Variants in DRC8 observed in about 807,000 individuals in gnomAD.
DRC8 encodes the protein dynein regulatory complex subunit 8.
the DRC8 span, among the ~76,000 whole-genome samples, chr1:245,073,261 G>A: frequency 6.6e-6 from 1 of 151,918 alleles, no homozygotes; most frequent in Non-Finnish European, 1.5e-5. Flanking sequence ...TCAGCCTCCC[G>A]AGTAGCTGGG....
the DRC8 span, among the ~76,000 whole-genome samples, chr1:244,986,156 T>A: frequency 6.6e-6 from 1 of 151,434 alleles, no homozygotes; most frequent in Non-Finnish European, 1.5e-5. Context: ...GGTTTCTCCA[T>A]GTTGGTCAGG....
the DRC8 span, chr1:245,044,071 A>G: frequency 6.6e-6 from 1 of 152,264 alleles, no homozygotes; most frequent in African/African-American, 2.4e-5. Context: ...AAATGCTTTT[A>G]TTAACAATGA....
At chr1:245,081,761 G>T in the DRC8 span, among the ~76,000 whole-genome samples, 1 of 152,148 alleles carries the variant, frequency 6.6e-6, no homozygotes, top group Admixed American at 6.6e-5. Context: ...GAGCCACCAC[G>T]CCCGGCCGAG....
chr1:245,111,432 T>C, the DRC8 span, among the ~76,000 whole-genome samples: 1 of 152,250 alleles, frequency 6.6e-6, no homozygotes, highest in East Asian at 1.9e-4. Flanking sequence ...TGCAGAATAT[T>C]GACTGCACAG....
chr1:244,998,704 T>C, the DRC8 span, among the ~76,000 whole-genome samples: 1 of 152,080 alleles, frequency 6.6e-6, no homozygotes, highest in Non-Finnish European at 1.5e-5. Context: ...GCTTGGAAAA[T>C]GGGCAGGAAG....
At chr1:244,975,165 T>C in the DRC8 span, among the ~76,000 whole-genome samples, 12 of 152,066 alleles carry the variant, frequency 7.9e-5, no homozygotes, top group Non-Finnish European at 1.6e-4. Flanking sequence ...CTCCTGACCT[T>C]GTGATCCGCC....
At chr1:245,048,572 A>G in the DRC8 span, among the ~76,000 whole-genome samples, 1 of 152,058 alleles carries the variant, frequency 6.6e-6, no homozygotes, top group Non-Finnish European at 1.5e-5. Flanking sequence ...AAACGGTAAG[A>G]GTGTTGCCCT....
At chr1:245,050,568 A>C in the DRC8 span, among the ~76,000 whole-genome samples, 1 of 152,182 alleles carries the variant, frequency 6.6e-6, no homozygotes, top group Non-Finnish European at 1.5e-5. Flanking sequence ...GGGGACAATA[A>C]TAGTACCTAC....
chr1:245,093,588 C>T, the DRC8 span, among the ~76,000 whole-genome samples: 4 of 150,976 alleles, frequency 2.6e-5, no homozygotes, highest in South Asian at 2.1e-4. Context: ...CCCAGCTACT[C>T]GGGAGGCTGA....
the DRC8 span, among the ~76,000 whole-genome samples, chr1:245,113,852 G>C: frequency 2.0e-5 from 3 of 151,918 alleles, no homozygotes; most frequent in Admixed American, 6.6e-5. Context: ...GACACACACA[G>C]AGATTAAGGG....
At chr1:245,033,328 T>C in the DRC8 span, among the ~76,000 whole-genome samples, 1 of 152,348 alleles carries the variant, frequency 6.6e-6, no homozygotes, top group Non-Finnish European at 1.5e-5. Flanking sequence ...GCACTTACCC[T>C]GCCAACTGTA....
the DRC8 span, among the ~76,000 whole-genome samples, chr1:244,974,809 C>T: frequency 6.6e-6 from 1 of 152,236 alleles, no homozygotes; most frequent in Non-Finnish European, 1.5e-5. Context: ...ATTCCCCCGA[C>T]CTCAGCCTCC....
the DRC8 span, among the ~76,000 whole-genome samples, chr1:245,050,216 C>T: frequency 6.6e-6 from 1 of 152,136 alleles, no homozygotes; most frequent in Non-Finnish European, 1.5e-5. Flanking sequence ...TTGTTCTTAT[C>T]CCCGTTGTCT....
the DRC8 span, among the ~76,000 whole-genome samples, chr1:245,017,594 C>A: frequency 1.3e-5 from 2 of 152,128 alleles, no homozygotes; most frequent in Non-Finnish European, 2.9e-5. Flanking sequence ...GAGATGAACT[C>A]TATTTTAGCT....
At chr1:245,054,786 G>C in the DRC8 span, among the ~76,000 whole-genome samples, 1 of 152,182 alleles carries the variant, frequency 6.6e-6, no homozygotes, top group Non-Finnish European at 1.5e-5. Context: ...GCACTCTTAT[G>C]AGTATCAAGT....
chr1:245,118,423 C>T, the DRC8 span, among the ~76,000 whole-genome samples: 1 of 152,180 alleles, frequency 6.6e-6, no homozygotes, highest in Non-Finnish European at 1.5e-5. Flanking sequence ...ACTGGGAGAA[C>T]ACCATGTGTC....
chr1:245,121,996 T>C, the DRC8 span: 1 of 382,778 alleles, frequency 2.6e-6, no homozygotes, highest in South Asian at 2.0e-5. Flanking sequence ...CCTCCCGGGT[T>C]CAAGAGATTC....
the DRC8 span, among the ~76,000 whole-genome samples, chr1:244,975,262 T>G: frequency 6.6e-6 from 1 of 151,998 alleles, no homozygotes; most frequent in Non-Finnish European, 1.5e-5. Context: ...CTGCCTGCCT[T>G]GGCCTCCCAA....
chr1:244,984,127 T>G, the DRC8 span, among the ~76,000 whole-genome samples: 4 of 147,500 alleles, frequency 2.7e-5, 1 homozygote, highest in Middle Eastern at 6.9e-3. Context: ...GCTAATTTTT[T>G]TGGGGGGGGG....
Sources: allele counts gnomAD v4.1 joint callset (sites outside exome capture counted in the v4.1 genomes callset), GRCh38; gene constraint gnomAD v4.1.1; transcripts MANE v1.5; gene names NCBI Gene and HGNC (gene_info 2026-07-23, HGNC 2026-07-21).